Variants in NAE1 observed in about 807,000 individuals in gnomAD.
NAE1 encodes NEDD8-activating enzyme E1 regulatory subunit.
NAE1 carries 59 observed loss-of-function variants against 88.0 expected under a neutral mutation model. The ratio of observed to expected loss-of-function variants is 0.67; its 90% CI spans 0.54 to 0.83. The LOEUF (loss-of-function observed/expected upper bound fraction) is 0.83. Ranked by LOEUF, NAE1 falls within the 40% of genes least tolerant of loss-of-function variation. NAE1 has a pLI of 0.00. For synonymous variants in NAE1, 186 were observed against 208.9 expected (o/e 0.89, Z 0.95); for missense variants, 554 against 632.8 (o/e 0.88, Z 1.34).
At chr16:66,809,940 C>T (rs1335950816) in intron 15 of NAE1, among the ~76,000 whole-genome samples, 2 of 151,990 alleles carry the variant, frequency 1.3e-5, no homozygotes, top group Admixed American at 6.6e-5. Context: ...CTAACCACTC[C>T]GAAACTAGAT....
chr16:66,825,686 C>A (rs764031058), intron 3 of NAE1, among the ~76,000 whole-genome samples: 13 of 152,026 alleles, frequency 8.6e-5, no homozygotes, highest in Non-Finnish European at 1.8e-4. Context: ...TGTTTTTGCA[C>A]GTAACTGTAA....
chr16:66,823,548 G>C lies in NAE1; in HGVS notation c.302C>G (p.Ser101Cys). The C allele has an allele frequency of 1.2e-6, 2 of 1,611,838 alleles. No individual in the cohort carries two copies. Among genetic ancestry groups the C allele is most frequent in the Non-Finnish European group, 1.7e-6 (2 of 1,179,372 alleles). ...ATATACCTCTTCCACAAAACTTCCA[G>C]AGACATCGCTATTTAATTCTTGTAA... The part of the protein sequence containing the change: ...EFLQELNSDV[S>C]GSFVEESPEN... Residue 101 changes from serine (S) to cysteine (C), a missense_variant, in exon 5 of 20, where the codon TCT (serine) becomes TGT (cysteine). Coordinates refer to ENST00000290810, the MANE Select transcript of NAE1 (RefSeq NM_003905.4).
chr16:66,808,859 GAAT>G, intron 16 of NAE1, 127 bp downstream of exon 16: 1 of 646,922 alleles, frequency 1.5e-6, no homozygotes, highest in Non-Finnish European at 2.5e-6. Context: ...GATAAGCTTA[GAAT>G]AAAATTAGAA....
intron 10 of NAE1, 98 bp from the exon 11 acceptor site, chr16:66,816,770 A>C: frequency 7.8e-7 from 1 of 1,282,192 alleles, no homozygotes; most frequent in South Asian, 1.4e-5. Context: ...CAGAATATTA[A>C]ATCTTAAGAA....
At chr16:66,809,592 A>G (rs530190328) in intron 15 of NAE1, among the ~76,000 whole-genome samples, 2 of 152,300 alleles carry the variant, frequency 1.3e-5, no homozygotes, top group African/African-American at 4.8e-5. Context: ...ACCCAGCATC[A>G]AACTTGTGAT....
At chr16:66,827,856 T>C (rs988932098) in intron 1 of NAE1, 1 of 757,298 alleles carries the variant, frequency 1.3e-6, no homozygotes, top group Non-Finnish European at 2.1e-6. Context: ...GCCTTGTTTT[T>C]TGTTTTTGTT....
At chr16:66,828,990 GAA>G (rs66509263) in intron 1 of NAE1, among the ~76,000 whole-genome samples, 43 of 124,712 alleles carry the variant, frequency 3.4e-4, no homozygotes, top group African/African-American at 4.6e-4. Context: ...CCTTGTCCCT[GAA>G]AAAAAAAAAA....
chr16:66,820,781 G>C (rs1336451966), intron 7 of NAE1, among the ~76,000 whole-genome samples: 1 of 151,704 alleles, frequency 6.6e-6, no homozygotes, highest in Non-Finnish European at 1.5e-5. Flanking sequence ...GGCGCCTGTA[G>C]TCCCAGCTAC....
At chr16:66,819,482 A>C (rs935464449) in intron 7 of NAE1, among the ~76,000 whole-genome samples, 5 of 152,238 alleles carry the variant, frequency 3.3e-5, no homozygotes, top group Non-Finnish European at 5.9e-5. Flanking sequence ...TTAGGCAAAT[A>C]ATTTAATCTC....
At chr16:66,826,818 T>A in intron 1 of NAE1, 38 bp from the exon 2 acceptor site, 1 of 1,553,586 alleles carries the variant, frequency 6.4e-7, no homozygotes, top group Non-Finnish European at 8.7e-7. Context: ...TTTAAAACTT[T>A]CATGAAAATA....
intron 3 of NAE1, chr16:66,826,270 A>G (rs363214): frequency 2.1e-6 from 1 of 476,500 alleles, no homozygotes. Context: ...CCCATATTCC[A>G]TGAATAAAGG....
intron 1 of NAE1, among the ~76,000 whole-genome samples, chr16:66,827,186 T>C (rs1319063680): frequency 2.0e-5 from 3 of 151,974 alleles, no homozygotes; most frequent in African/African-American, 7.2e-5. Context: ...TGGAGTGTAG[T>C]GGCATGATCT....
At chr16:66,818,046 C>T (rs1365848158) in intron 8 of NAE1, among the ~76,000 whole-genome samples, 2 of 152,048 alleles carry the variant, frequency 1.3e-5, no homozygotes, top group South Asian at 2.1e-4. Flanking sequence ...GAAATAAGCA[C>T]ATCATGGAGA....
chr16:66,829,146 T>C (rs1376206617), intron 1 of NAE1, among the ~76,000 whole-genome samples: 2 of 152,236 alleles, frequency 1.3e-5, no homozygotes, highest in Non-Finnish European at 2.9e-5. Context: ...CTGCTTCCCT[T>C]TGACACTTCA....
chr16:66,826,013 AAC>A (rs1025858124), intron 3 of NAE1: 2 of 155,152 alleles, frequency 1.3e-5, no homozygotes, highest in African/African-American at 4.8e-5. Context: ...GTTACTGACA[AAC>A]ACAATGAGAG....
At chr16:66,817,939 TTC>T (rs1183348633) in intron 8 of NAE1, among the ~76,000 whole-genome samples, 3 of 152,200 alleles carry the variant, frequency 2.0e-5, no homozygotes, top group Non-Finnish European at 4.4e-5. Flanking sequence ...ATTTTTTTAT[TTC>T]TGTTTTTTGT....
intron 17 of NAE1, 57 bp from the exon 18 acceptor site, chr16:66,806,083 C>G: frequency 6.6e-7 from 1 of 1,510,122 alleles, no homozygotes; most frequent in Admixed American, 2.1e-5. Flanking sequence ...TAATGGCCAA[C>G]TCCTTTATTT....
chr16:66,803,162 T>C (rs1383518843), intron 19 of NAE1, 44 bp from the exon 20 acceptor site: 1 of 1,316,202 alleles, frequency 7.6e-7, no homozygotes, highest in Non-Finnish European at 1.1e-6. Flanking sequence ...AAGAGTAAAC[T>C]TCAAGAGTTA....
intron 13 of NAE1, 29 bp from the exon 14 acceptor site, chr16:66,810,801 CA>C (rs1567489157): frequency 6.3e-7 from 1 of 1,595,574 alleles, no homozygotes; most frequent in South Asian, 1.1e-5. Context: ...CAATTACTAA[CA>C]AATTTTTAAA....
Sources: gnomAD v4.1 joint callset for allele counts (sites outside exome capture counted in the v4.1 genomes callset) on GRCh38, gnomAD v4.1.1 for gene constraint, MANE v1.5 for transcripts, NCBI Gene and HGNC (gene_info 2026-07-23, HGNC 2026-07-21) for gene names.